The following UBE2V1 variants were observed in gnomAD, a reference collection of about 807,000 sequenced individuals.
UBE2V1 encodes the protein ubiquitin-conjugating enzyme E2 variant 1.
Under a neutral mutation model 19.6 loss-of-function variants are expected in UBE2V1, and 15 were observed. The ratio of observed to expected loss-of-function variants is 0.77; its 90% CI spans 0.51 to 1.18. The LOEUF (loss-of-function observed/expected upper bound fraction) is 1.18. Among genes scored for constraint, UBE2V1 ranks in the 50% most tolerant of loss-of-function variants. UBE2V1 has a pLI of 0.00. For synonymous variants in UBE2V1, 60 were observed against 60.7 expected (o/e 0.99, Z 0.05); for missense variants, 125 against 184.8 (o/e 0.68, Z 1.88).
intron 1 of UBE2V1, among the ~76,000 whole-genome samples, 183 bp from the exon 2 acceptor site, chr20:50,097,003 G>A (rs997073999): frequency 1.1e-4 from 16 of 152,186 alleles, no homozygotes; most frequent in African/African-American, 3.9e-4. Context: ...CACAACCAGA[G>A]GGAAGGGGCA....
At chr20:50,115,355 A>C, upstream of UBE2V1, 5 of 1,368,666 alleles carry the variant, frequency 3.7e-6, no homozygotes, top group Non-Finnish European at 4.8e-6. Flanking sequence ...AGGTGAAGCA[A>C]CTTGACTTTT....
intron 2 of UBE2V1, among the ~76,000 whole-genome samples, chr20:50,092,433 C>T (rs971337630): frequency 1.3e-5 from 2 of 152,130 alleles, no homozygotes; most frequent in Non-Finnish European, 2.9e-5. Flanking sequence ...TCAAGCGTTG[C>T]CTAGACACAT....
rs535765308 is a variant in UBE2V1, at chr20:50,112,619, C to T, written c.22+488G>A. ...CGATAGGGGATCCTCTCAAGTCACC[C>T]CCTCAGGATCCCGTTTCTTCCATCC... On this transcript the variant is annotated intron_variant, in intron 1 of 3. Coordinates refer to ENST00000371674, the MANE Select transcript of UBE2V1 (RefSeq NM_001032288.3). Among the ~76,000 whole-genome samples the T allele has an allele frequency of 5.3e-5, 8 of 152,298 alleles. No individual in the cohort carries two copies. The East Asian group carries it at 1.5e-3, about 29-fold the overall frequency.
chr20:50,102,017 G>A lies in UBE2V1; in HGVS notation c.23-5197C>T, dbSNP rs149103189. ...CGGGGGGAGCTGCAAAAGGCTCAGA[G>A]TAGGGCAAGAGATAAGGCATATCCA... On this transcript the variant is annotated intron_variant, in intron 1 of 3. Transcript: ENST00000371674. Among the ~76,000 whole-genome samples the A allele has an allele frequency of 2.6e-3, 397 of 152,300 alleles. 2 individuals are homozygous for A. The highest frequency in any genetic ancestry group is 9.0e-3 in the African/African-American group (373 of 41,548).
At chr20:50,092,158 C>T (rs1601010953) in intron 2 of UBE2V1, among the ~76,000 whole-genome samples, 1 of 152,072 alleles carries the variant, frequency 6.6e-6, no homozygotes, top group South Asian at 2.1e-4. Flanking sequence ...CCTGTCTCTA[C>T]TAAAAATATA....
chr20:50,094,123 ATATAT>A (rs3067703), intron 2 of UBE2V1, among the ~76,000 whole-genome samples: 30,777 of 125,194 alleles, frequency 0.25, 3,964 homozygotes, highest in African/African-American at 0.31. Context: ...AAAATATATT[ATATAT>A]TATAATTATA....
chr20:50,104,875 C>T (rs763021341), intron 1 of UBE2V1, among the ~76,000 whole-genome samples: 1 of 151,498 alleles, frequency 6.6e-6, no homozygotes, highest in African/African-American at 2.4e-5. Flanking sequence ...TACAGGCACG[C>T]GCCACGACAC....
intron 1 of UBE2V1, among the ~76,000 whole-genome samples, chr20:50,103,999 T>C (rs1394475865): frequency 6.6e-6 from 1 of 151,556 alleles, no homozygotes; most frequent in African/African-American, 2.4e-5. Flanking sequence ...AATGGCAGTA[T>C]CAGGCCAGGC....
At chr20:50,099,261 G>A (rs764290878) in intron 1 of UBE2V1, among the ~76,000 whole-genome samples, 7 of 152,136 alleles carry the variant, frequency 4.6e-5, no homozygotes, top group African/African-American at 1.7e-4. Context: ...CTAACTCCCA[G>A]TACCTCAGAA....
chr20:50,083,489 T>C (rs1224593522), intron 3 of UBE2V1, among the ~76,000 whole-genome samples: 2 of 152,234 alleles, frequency 1.3e-5, no homozygotes, highest in Non-Finnish European at 2.9e-5. Flanking sequence ...TCATCTCTTT[T>C]CAATTTTCCA....
chr20:50,098,977 T>A, intron 1 of UBE2V1: 1 of 985,324 alleles, frequency 1.0e-6, no homozygotes, highest in Non-Finnish European at 1.2e-6. Context: ...GTAGCAAACA[T>A]AAAACTGAAA....
intron 2 of UBE2V1, among the ~76,000 whole-genome samples, chr20:50,086,626 T>G (rs902895719): frequency 1.3e-5 from 2 of 152,172 alleles, no homozygotes; most frequent in African/African-American, 4.8e-5. Context: ...GCAAAAATCA[T>G]GCTCCCTGGT....
rs1026286753 is a variant in UBE2V1 at position 50,111,291 on chromosome 20, T to C, written c.22+1816A>G. ...ATAGCCATTTATGAAGCACTCACTT[T>C]TTAACTGTCAGGGTCTGGAGAAGTT... On this transcript the variant is annotated intron_variant, in intron 1 of 3. Coordinates refer to ENST00000371674, the MANE Select transcript of UBE2V1 (RefSeq NM_001032288.3). 1.8e-5 allele frequency: 18 copies of C among 988,378 alleles called. No homozygotes were observed. The Admixed American group carries it at 9.2e-4, about 51-fold the overall frequency. 61.2% of individuals were successfully genotyped at this position (988,378 alleles called of 1,614,324 possible).
intron 2 of UBE2V1, chr20:50,095,303 A>G (rs1245004683): frequency 6.6e-6 from 1 of 152,234 alleles, no homozygotes; most frequent in Non-Finnish European, 1.5e-5. Context: ...ACCTTCAGAG[A>G]CAGCAAAGAA....
At chr20:50,097,575 G>A (rs1601060581) in intron 1 of UBE2V1, among the ~76,000 whole-genome samples, 1 of 152,160 alleles carries the variant, frequency 6.6e-6, no homozygotes, top group Non-Finnish European at 1.5e-5. Flanking sequence ...ACAAGGGAGG[G>A]GGCTATGGGA....
intron 2 of UBE2V1, among the ~76,000 whole-genome samples, chr20:50,088,071 T>C (rs1041235042): frequency 8.3e-5 from 11 of 131,996 alleles, no homozygotes; most frequent in Admixed American, 1.6e-4. Context: ...GCCAAATGCA[T>C]ACATATGAGA....
At chr20:50,095,488 G>A (rs967984099) in intron 2 of UBE2V1, 6 of 152,200 alleles carry the variant, frequency 3.9e-5, no homozygotes, top group African/African-American at 1.4e-4. Context: ...GACTTAAGAA[G>A]CAACATTAAA....
chr20:50,105,420 A>T (rs527506194), intron 1 of UBE2V1, among the ~76,000 whole-genome samples: 1 of 152,262 alleles, frequency 6.6e-6, no homozygotes, highest in Non-Finnish European at 1.5e-5. Context: ...ATCACGGTAC[A>T]TTAAACAAAA....
intron 2 of UBE2V1, among the ~76,000 whole-genome samples, chr20:50,085,177 A>G (rs73910384): frequency 0.011 from 1,644 of 152,172 alleles, 29 homozygotes; most frequent in African/African-American, 0.038. Context: ...GGCATGAGCC[A>G]CCGTACCCAG....
Sources: gnomAD v4.1 joint callset for allele counts (sites outside exome capture counted in the v4.1 genomes callset) on GRCh38, gnomAD v4.1.1 for gene constraint, MANE v1.5 for transcripts, NCBI Gene and HGNC (gene_info 2026-07-23, HGNC 2026-07-21) for gene names.